The following PAPSS1 variants were observed in gnomAD, a reference collection of about 807,000 sequenced individuals.
The protein encoded by PAPSS1 is bifunctional 3'-phosphoadenosine 5'-phosphosulfate synthase 1.
In PAPSS1, 50 loss-of-function variants were observed where a neutral mutation model predicts 72.0. The observed-to-expected ratio is 0.69, with a 90% CI of 0.55 to 0.88. The LOEUF (loss-of-function observed/expected upper bound fraction) is 0.88. Ranked by LOEUF, PAPSS1 falls within the 40% of genes least tolerant of loss-of-function variation. The probability of loss-of-function intolerance (pLI) is 0.00; values close to 1 mark genes in which losing one functional copy is unlikely to be tolerated. For synonymous variants in PAPSS1, 261 were observed against 263.6 expected, an observed-to-expected ratio of 0.99 and a Z score of 0.09; for missense variants, 657 against 782.2, an observed-to-expected ratio of 0.84 and a Z score of 1.91.
rs900961111 is a variant in PAPSS1 at position 107,684,670 on chromosome 4, T to C, written c.550+2369A>G. Among the ~76,000 whole-genome samples the C allele has an allele frequency of 3.3e-5, 5 of 152,124 alleles. No homozygotes were observed. In the South Asian group the frequency reaches 6.2e-4, roughly 19 times the overall value. On this transcript the variant is annotated intron_variant, in intron 4 of 11. Coordinates refer to ENST00000265174, the MANE Select transcript of PAPSS1 (RefSeq NM_005443.5). ...CAGTTCTTCAGACAAACTCAACCAA[T>C]TGTCAACCAGAAAACATTTAAACTC...
At chr4:107,677,232 A>G (rs1727677245) in intron 5 of PAPSS1, among the ~76,000 whole-genome samples, 3 of 152,192 alleles carry the variant, frequency 2.0e-5, no homozygotes. Context: ...AGAAACTACC[A>G]TCAGAGTGAA....
chr4:107,674,000 G>A (rs1451884251), intron 5 of PAPSS1, among the ~76,000 whole-genome samples: 1 of 152,306 alleles, frequency 6.6e-6, no homozygotes, highest in South Asian at 2.1e-4. Context: ...CAAATGCTAA[G>A]AGATTTTGTC....
chr4:107,696,768 T>C (rs542957181), intron 2 of PAPSS1, among the ~76,000 whole-genome samples: 2 of 151,990 alleles, frequency 1.3e-5, no homozygotes, highest in East Asian at 3.9e-4. Flanking sequence ...GAGGAGGATA[T>C]GTTGAGAGCA....
intron 11 of PAPSS1, among the ~76,000 whole-genome samples, chr4:107,629,163 A>C (rs1385736286): frequency 6.6e-6 from 1 of 152,212 alleles, no homozygotes; most frequent in Admixed American, 6.5e-5. Context: ...AGCCCCTATC[A>C]GGGCAATATG....
chr4:107,621,743 C>T (rs1725965280), intron 11 of PAPSS1, among the ~76,000 whole-genome samples: 1 of 150,646 alleles, frequency 6.6e-6, no homozygotes, highest in African/African-American at 2.4e-5. Context: ...GCCTCAGCCT[C>T]CCGAGTAGCT....
At chr4:107,617,836 G>A (rs1725860382) in intron 11 of PAPSS1, among the ~76,000 whole-genome samples, 1 of 152,182 alleles carries the variant, frequency 6.6e-6, no homozygotes, top group African/African-American at 2.4e-5. Flanking sequence ...CAATGTGCAA[G>A]AAATGTCAAG....
intron 1 of PAPSS1, among the ~76,000 whole-genome samples, chr4:107,709,409 A>G (rs1723428879): frequency 6.6e-6 from 1 of 152,160 alleles, no homozygotes; most frequent in African/African-American, 2.4e-5. Flanking sequence ...TAACTTTGGG[A>G]GAAATTTAGT....
intron 5 of PAPSS1, among the ~76,000 whole-genome samples, chr4:107,670,821 A>T (rs1727447725): frequency 6.6e-6 from 1 of 152,228 alleles, no homozygotes; most frequent in Non-Finnish European, 1.5e-5. Flanking sequence ...TACAAGTGTG[A>T]ACCACCACAC....
At chr4:107,657,029 C>T (rs1352337711) in intron 6 of PAPSS1, 22 bp from the exon 7 acceptor site, 14 of 1,520,892 alleles carry the variant, frequency 9.2e-6, no homozygotes, top group Non-Finnish European at 1.2e-5. Flanking sequence ...GAAAGTAAAG[C>T]AAAATTTTCT....
chr4:107,630,498 G>A (rs1274586587), intron 11 of PAPSS1, among the ~76,000 whole-genome samples: 9 of 152,148 alleles, frequency 5.9e-5, no homozygotes, highest in Non-Finnish European at 1.3e-4. Flanking sequence ...CATGTAAATC[G>A]TGCTTTGCTT....
chr4:107,704,275 C>G (rs972463444), intron 1 of PAPSS1, among the ~76,000 whole-genome samples: 1 of 152,130 alleles, frequency 6.6e-6, no homozygotes, highest in African/African-American at 2.4e-5. Context: ...TATTTAAAAC[C>G]ACGTCATCTG....
intron 5 of PAPSS1, among the ~76,000 whole-genome samples, chr4:107,661,424 A>T (rs1276591676): frequency 1.3e-5 from 2 of 152,254 alleles, no homozygotes; most frequent in East Asian, 3.8e-4. Context: ...CAGAATTGCC[A>T]AAAGTTGACA....
chr4:107,712,322 TTATACA>T (rs1325538014), intron 1 of PAPSS1, among the ~76,000 whole-genome samples: 1 of 152,160 alleles, frequency 6.6e-6, no homozygotes, highest in East Asian at 1.9e-4. Flanking sequence ...AAAGAACTAG[TTATACA>T]TAGGTAAATA....
intron 10 of PAPSS1, 81 bp from the exon 11 acceptor site, chr4:107,631,941 T>C (rs1560566143): frequency 5.0e-6 from 4 of 796,450 alleles, no homozygotes; most frequent in Non-Finnish European, 7.8e-6. Flanking sequence ...TAAATGCATA[T>C]GCTTTTTATA....
intron 11 of PAPSS1, among the ~76,000 whole-genome samples, chr4:107,629,279 T>C (rs1726175012): frequency 6.6e-6 from 1 of 152,214 alleles, no homozygotes; most frequent in African/African-American, 2.4e-5. Context: ...ATGGGGATAA[T>C]GTCCCAAAGA....
intron 3 of PAPSS1, among the ~76,000 whole-genome samples, chr4:107,692,197 T>C (rs1046374581): frequency 6.6e-6 from 1 of 152,008 alleles, no homozygotes; most frequent in Non-Finnish European, 1.5e-5. Flanking sequence ...ACAAATGGGA[T>C]CTAATTAAAC....
At chr4:107,669,181 A>G (rs1727401756) in intron 5 of PAPSS1, among the ~76,000 whole-genome samples, 1 of 152,216 alleles carries the variant, frequency 6.6e-6, no homozygotes, top group Non-Finnish European at 1.5e-5. Context: ...TATGAAAAGT[A>G]CACATTATAG....
intron 10 of PAPSS1, among the ~76,000 whole-genome samples, chr4:107,636,160 A>C (rs894091616): frequency 1.8e-4 from 27 of 152,238 alleles, no homozygotes; most frequent in Admixed American, 1.5e-3. Context: ...TGAGGCAAAT[A>C]TGCAAAAAAG....
intron 5 of PAPSS1, among the ~76,000 whole-genome samples, chr4:107,676,242 T>C (rs566050132): frequency 2.3e-3 from 357 of 152,284 alleles, no homozygotes; most frequent in Non-Finnish European, 3.2e-3. Context: ...GGAAGTCAAA[T>C]TGTCCCTGTT....
Sources: gnomAD v4.1 joint callset for allele counts (sites outside exome capture counted in the v4.1 genomes callset) on GRCh38, gnomAD v4.1.1 for gene constraint, MANE v1.5 for transcripts, NCBI Gene and HGNC (gene_info 2026-07-23, HGNC 2026-07-21) for gene names.